COL14A1: variants seen among roughly 807,000 people sequenced by gnomAD.
COL14A1 encodes collagen alpha-1(XIV) chain.
In COL14A1, 136 loss-of-function variants were observed where a neutral mutation model predicts 230.3. That is an observed-to-expected ratio of 0.59 (90% confidence interval 0.51 to 0.68). The LOEUF is 0.68. Among genes scored for constraint, COL14A1 ranks in the 30% least tolerant of loss-of-function variants. The pLI is 0.00. For synonymous variants in COL14A1, 792 were observed against 784.1 expected (o/e 1.01, Z -0.17); for missense variants, 1,976 against 2,215.8 (o/e 0.89, Z 2.17).
At chr8:120,133,323 T>C (rs1022771167) in intron 1 of COL14A1, among the ~76,000 whole-genome samples, 1 of 151,490 alleles carries the variant, frequency 6.6e-6, no homozygotes, top group African/African-American at 2.4e-5. Flanking sequence ...ATAATACTGA[T>C]ATCAAAACTT....
At chr8:120,310,225 T>TA (rs1176682018) in intron 37 of COL14A1, among the ~76,000 whole-genome samples, 163 bp downstream of exon 37, 1 of 152,198 alleles carries the variant, frequency 6.6e-6, no homozygotes, top group Non-Finnish European at 1.5e-5. Flanking sequence ...TTTAAAAGCC[T>TA]ATGCTTTTAA....
intron 5 of COL14A1, among the ~76,000 whole-genome samples, chr8:120,176,586 G>A (rs925472916): frequency 1.3e-5 from 2 of 152,134 alleles, no homozygotes; most frequent in African/African-American, 4.8e-5. Flanking sequence ...AAATGGGACT[G>A]TTAGGGTTTT....
At chr8:120,239,580 T>A (rs918759227) in intron 19 of COL14A1, among the ~76,000 whole-genome samples, 4 of 152,204 alleles carry the variant, frequency 2.6e-5, no homozygotes, top group African/African-American at 9.6e-5. Context: ...GGGAGTACTT[T>A]TGAAAAGTTA....
intron 5 of COL14A1, among the ~76,000 whole-genome samples, chr8:120,174,614 T>C (rs1816213658): frequency 6.6e-6 from 1 of 152,188 alleles, no homozygotes; most frequent in South Asian, 2.1e-4. Context: ...GAGTTCTTTC[T>C]GAGCCCACTT....
chr8:120,173,684 ATC>A (rs1563650943), intron 5 of COL14A1, among the ~76,000 whole-genome samples: 2 of 151,256 alleles, frequency 1.3e-5, no homozygotes, highest in Admixed American at 6.6e-5. Flanking sequence ...CTATCTATCT[ATC>A]TATCTATCTA....
At chr8:120,140,532 A>G (rs1036663962) in intron 1 of COL14A1, among the ~76,000 whole-genome samples, 1 of 152,206 alleles carries the variant, frequency 6.6e-6, no homozygotes, top group Non-Finnish European at 1.5e-5. Context: ...GGTATACCAA[A>G]TAACTAACAA....
chr8:120,149,938 C>T (rs1388707648), intron 2 of COL14A1, among the ~76,000 whole-genome samples: 1 of 152,162 alleles, frequency 6.6e-6, no homozygotes. Flanking sequence ...AAGTGATCCA[C>T]CCTCCTTGGC....
chr8:120,363,835 C>T (rs941582545), intron 45 of COL14A1, among the ~76,000 whole-genome samples: 1 of 152,174 alleles, frequency 6.6e-6, no homozygotes, highest in South Asian at 2.1e-4. Flanking sequence ...TTCATTCACT[C>T]ATTTGTTCTT....
intron 13 of COL14A1, among the ~76,000 whole-genome samples, chr8:120,214,542 G>A (rs1432364723): frequency 6.6e-6 from 1 of 152,138 alleles, no homozygotes; most frequent in Non-Finnish European, 1.5e-5. Context: ...CTGCAGAAAT[G>A]CCAATACCTC....
chr8:120,342,387 T>A lies in COL14A1; in HGVS notation c.4829T>A (p.Leu1610Gln). Residue 1610 changes from leucine to glutamine, a missense_variant, in exon 44 of 48, where the codon CTG (leucine) becomes CAG (glutamine). Physicochemically the swap from Leu to Gln is moderately radical, Grantham distance 113. This residue lies in a region of COL14A1 where 1,791 missense variants were observed against 2,019.5 expected (regional missense o/e 0.89). Coordinates refer to ENST00000297848, the MANE Select transcript of COL14A1 (RefSeq NM_021110.4). ...AKGERGERGD[L>Q]QSQAMVRSVA... ...GCTTTTTTTCTCATCCAGGGTGACC[T>A]GCAGTCTCAAGCCATGGTGAGATCA... is the stretch of plus-strand genomic sequence containing the variant. 4 of 1,613,950 alleles carry A rather than the reference T, an allele frequency of 2.5e-6. No individual in the cohort carries two copies. Among genetic ancestry groups the A allele is most frequent in the Non-Finnish European group, 2.5e-6 (3 of 1,179,844 alleles).
chr8:120,238,981 T>C (rs1273806451), intron 19 of COL14A1, among the ~76,000 whole-genome samples: 1 of 152,162 alleles, frequency 6.6e-6, no homozygotes, highest in Non-Finnish European at 1.5e-5. Context: ...GTACCTCAGT[T>C]GGAAATACAG....
At chr8:120,213,925 TTCTCTC>T in intron 13 of COL14A1, 1 of 424,792 alleles carries the variant, frequency 2.4e-6, no homozygotes, top group Non-Finnish European at 4.6e-6. Flanking sequence ...TTTCTACACT[TTCTCTC>T]TAGCACCTTA....
intron 34 of COL14A1, among the ~76,000 whole-genome samples, chr8:120,294,868 A>T (rs1198823588): frequency 6.6e-6 from 1 of 151,906 alleles, no homozygotes; most frequent in Non-Finnish European, 1.5e-5. Flanking sequence ...TGAAATTATA[A>T]TATTGGCTTC....
chr8:120,344,043 C>T lies in COL14A1; in HGVS notation c.4889-1332C>T, dbSNP rs116068760. On this transcript the variant is annotated intron_variant, in intron 44 of 47. Coordinates refer to ENST00000297848, the MANE Select transcript of COL14A1 (RefSeq NM_021110.4). The stretch of plus-strand genomic sequence containing the variant: ...GTTCAAAATCAATTTTTTCTCCTTA[C>T]GAATTCTCAGAGTCTTGTGATTGAC... 8.9e-3 allele frequency among the ~76,000 whole-genome samples: 1,353 copies of T among 152,228 alleles called. 16 individuals carry two copies. The highest frequency in any genetic ancestry group is 0.03 in the African/African-American group (1,260 of 41,516).
At chr8:120,277,195 C>G (rs943242272) in intron 26 of COL14A1, among the ~76,000 whole-genome samples, 2 of 152,148 alleles carry the variant, frequency 1.3e-5, no homozygotes. Context: ...CAACTGTTGA[C>G]TCTGCCAGTG....
intron 23 of COL14A1, among the ~76,000 whole-genome samples, chr8:120,259,319 T>C (rs529377094): frequency 1.3e-5 from 2 of 152,332 alleles, no homozygotes; most frequent in East Asian, 3.9e-4. Context: ...GTTATAATTA[T>C]AATTATACGT....
At chr8:120,341,263 T>C in intron 42 of COL14A1, 62 bp from the exon 43 acceptor site, 1 of 1,507,948 alleles carries the variant, frequency 6.6e-7, no homozygotes, top group South Asian at 1.1e-5. Context: ...AAAAGATGCA[T>C]GATTATCACT....
chr8:120,338,653 A>G (rs1037488847), intron 42 of COL14A1, among the ~76,000 whole-genome samples: 2 of 152,174 alleles, frequency 1.3e-5, no homozygotes. Flanking sequence ...AATCCTGCAG[A>G]GCTGTTATAA....
chr8:120,182,992 G>T (rs1816517292), intron 5 of COL14A1, among the ~76,000 whole-genome samples: 2 of 152,070 alleles, frequency 1.3e-5, no homozygotes, highest in Admixed American at 1.3e-4. Context: ...CTCCCAAAAT[G>T]CTGGGATTAC....
Sources: gnomAD v4.1 joint callset for allele counts (sites outside exome capture counted in the v4.1 genomes callset) on GRCh38, gnomAD v4.1.1 for gene constraint, gnomAD v4.1.1 regional missense constraint, MANE v1.5 for transcripts, NCBI Gene and HGNC (gene_info 2026-07-23, HGNC 2026-07-21) for gene names.